Variants in PKHD1 observed in about 807,000 individuals in gnomAD.
PKHD1 encodes the protein PKHD1 ciliary IPT domain containing fibrocystin/polyductin, also known as fibrocystin.
Under a neutral mutation model 412.0 loss-of-function variants are expected in PKHD1, and 291 were observed. That is an observed-to-expected ratio of 0.71 (90% CI 0.64 to 0.78). The LOEUF is 0.78. Ranked by LOEUF, PKHD1 falls within the 30% of genes least tolerant of loss-of-function variation. The pLI, the probability that PKHD1 is intolerant of heterozygous loss-of-function variation, is 0.00. For synonymous variants in PKHD1, 1,777 were observed against 1,821.5 expected (o/e 0.98, Z 0.62); for missense variants, 4,825 against 4,950.7 (o/e 0.97, Z 0.76).
chr6:51,712,689 G>A (rs1780799307), intron 60 of PKHD1, among the ~76,000 whole-genome samples: 1 of 152,038 alleles, frequency 6.6e-6, no homozygotes, highest in Admixed American at 6.6e-5. Context: ...ATTGATAAAG[G>A]GCAAAGCACT....
At chr6:51,932,761 A>T (rs1185986787) in intron 37 of PKHD1, among the ~76,000 whole-genome samples, 1 of 152,150 alleles carries the variant, frequency 6.6e-6, no homozygotes, top group Admixed American at 6.5e-5. Context: ...ACCTCACAAA[A>T]TTTGATCCCC....
At chr6:51,718,621 G>A (rs1781546208) in intron 60 of PKHD1, among the ~76,000 whole-genome samples, 1 of 152,114 alleles carries the variant, frequency 6.6e-6, no homozygotes, top group South Asian at 2.1e-4. Context: ...ACTATACTAT[G>A]TCACATTCAT....
At chr6:52,065,443 A>T (rs907673507) in intron 12 of PKHD1, among the ~76,000 whole-genome samples, 1 of 152,072 alleles carries the variant, frequency 6.6e-6, no homozygotes, top group Non-Finnish European at 1.5e-5. Flanking sequence ...CATGGGAGGT[A>T]AGTGTGACAT....
At chr6:51,948,574 G>C (rs1281844700) in intron 36 of PKHD1, among the ~76,000 whole-genome samples, 1 of 152,182 alleles carries the variant, frequency 6.6e-6, no homozygotes, top group Non-Finnish European at 1.5e-5. Flanking sequence ...CACCATGAGA[G>C]CAAGATTTTG....
At chr6:51,796,499 A>C (rs1794627579) in intron 52 of PKHD1, among the ~76,000 whole-genome samples, 1 of 150,970 alleles carries the variant, frequency 6.6e-6, no homozygotes, top group African/African-American at 2.4e-5. Context: ...TATGTCCTTC[A>C]GTTCAGCTCA....
At chr6:52,040,424 T>C (rs1166802324) in intron 27 of PKHD1, among the ~76,000 whole-genome samples, 2 of 152,148 alleles carry the variant, frequency 1.3e-5, no homozygotes, top group Non-Finnish European at 2.9e-5. Context: ...CATCTTTGCC[T>C]CCCTACTGTG....
chr6:51,639,710 C>T (rs570471653), intron 63 of PKHD1, among the ~76,000 whole-genome samples: 3 of 152,262 alleles, frequency 2.0e-5, no homozygotes, highest in Admixed American at 1.3e-4. Flanking sequence ...CTTTTGACTC[C>T]ACCATCCCTA....
chr6:52,055,410 C>T (rs1807558994), intron 19 of PKHD1, among the ~76,000 whole-genome samples, 177 bp downstream of exon 19: 1 of 152,314 alleles, frequency 6.6e-6, no homozygotes, highest in African/African-American at 2.4e-5. Context: ...CAAGTGGGGG[C>T]CAGTGGTGTC....
chr6:52,065,156 T>TAGAGAGAGAGAG (rs1279136631), intron 12 of PKHD1, 106 bp from the exon 13 acceptor site: 2 of 76,176 alleles, frequency 2.6e-5, no homozygotes, highest in African/African-American at 7.0e-5. Context: ...TATATATATA[T>TAGAGAGAGAGAG]ATATATATAT....
chr6:52,021,633 A>C (rs1018579116), intron 33 of PKHD1, among the ~76,000 whole-genome samples: 10 of 152,098 alleles, frequency 6.6e-5, no homozygotes, highest in Non-Finnish European at 1.5e-4. Flanking sequence ...TTGTATCTTA[A>C]ATTTCCCATT....
chr6:51,730,621 C>T (rs1216107006), intron 60 of PKHD1, among the ~76,000 whole-genome samples: 1 of 152,038 alleles, frequency 6.6e-6, no homozygotes, highest in Non-Finnish European at 1.5e-5. Context: ...CTTTTTACAT[C>T]TCATGAAAAT....
At chr6:51,824,069 T>C (rs1186888885) in intron 52 of PKHD1, among the ~76,000 whole-genome samples, 2 of 152,202 alleles carry the variant, frequency 1.3e-5, no homozygotes, top group East Asian at 3.8e-4. Flanking sequence ...GTTTGGGCAA[T>C]AATCTTAACA....
At chr6:52,057,681 C>T (rs558058054) in intron 16 of PKHD1, among the ~76,000 whole-genome samples, 6 of 152,342 alleles carry the variant, frequency 3.9e-5, no homozygotes, top group African/African-American at 1.4e-4. Context: ...TCCCAAAGTG[C>T]TGGGATTACA....
At chr6:51,662,569 G>C (rs1773035487) in intron 60 of PKHD1, among the ~76,000 whole-genome samples, 1 of 151,646 alleles carries the variant, frequency 6.6e-6, no homozygotes, top group African/African-American at 2.4e-5. Flanking sequence ...TCAAAGAAAG[G>C]AAATAATCAA....
At chr6:51,736,359 T>C (rs1783844278) in intron 60 of PKHD1, among the ~76,000 whole-genome samples, 1 of 152,224 alleles carries the variant, frequency 6.6e-6, no homozygotes, top group African/African-American at 2.4e-5. Context: ...TGGCATTCAC[T>C]GCCTGGAGAC....
At chr6:51,811,084 T>C (rs1170591295) in intron 52 of PKHD1, among the ~76,000 whole-genome samples, 3 of 152,196 alleles carry the variant, frequency 2.0e-5, no homozygotes, top group East Asian at 3.8e-4. Flanking sequence ...TCTAATTATA[T>C]AATCAATCCT....
At chr6:51,988,769 G>A (rs1427300680) in intron 35 of PKHD1, among the ~76,000 whole-genome samples, 1 of 152,200 alleles carries the variant, frequency 6.6e-6, no homozygotes, top group Admixed American at 6.5e-5. Context: ...TGATGGCTCT[G>A]AGAAATTAAG....
chr6:52,052,912 T>C (rs1807093434), intron 21 of PKHD1, among the ~76,000 whole-genome samples, 164 bp downstream of exon 21: 1 of 152,004 alleles, frequency 6.6e-6, no homozygotes, highest in Admixed American at 6.5e-5. Context: ...AGAGACATAG[T>C]ACCAAAGACA....
At chr6:51,845,856 A>C (rs1324805389) in intron 50 of PKHD1, among the ~76,000 whole-genome samples, 1 of 152,102 alleles carries the variant, frequency 6.6e-6, no homozygotes, top group Non-Finnish European at 1.5e-5. Context: ...TATTACGTTT[A>C]GTTTATTTGA....
Sources: allele counts gnomAD v4.1 joint callset (sites outside exome capture counted in the v4.1 genomes callset), GRCh38; gene constraint gnomAD v4.1.1; transcripts MANE v1.5; gene names NCBI Gene and HGNC (gene_info 2026-07-23, HGNC 2026-07-21).